LIMS2: variants seen among roughly 807,000 people sequenced by gnomAD.
The protein encoded by LIMS2 is LIM and senescent cell antigen-like-containing domain protein 2.
Under a neutral mutation model 45.3 loss-of-function variants are expected in LIMS2, and 30 were observed. The ratio of observed to expected loss-of-function variants is 0.66; its 90% CI spans 0.50 to 0.90. The LOEUF (loss-of-function observed/expected upper bound fraction) is 0.90. Ranked by LOEUF, LIMS2 falls within the 40% of genes least tolerant of loss-of-function variation. The probability of loss-of-function intolerance (pLI) is 0.00; values close to 1 mark genes in which losing one functional copy is unlikely to be tolerated. For missense variants in LIMS2, 485 were observed against 468.7 expected (o/e 1.03, Z -0.32); for synonymous variants, 173 against 188.0 (o/e 0.92, Z 0.65).
intron 6 of LIMS2, chr2:127,641,222 C>T (rs1682370602): frequency 4.0e-6 from 2 of 501,608 alleles, no homozygotes; most frequent in South Asian, 4.7e-5. Context: ...GCCCTGGGGT[C>T]AGCAGACCCT....
At chr2:127,674,518 C>G in intron 1 of LIMS2, 1 of 634,462 alleles carries the variant, frequency 1.6e-6, no homozygotes. Flanking sequence ...GGTGCTTGGG[C>G]GCAGCTCTGG....
rs1049794065 is a variant in LIMS2, at chr2:127,638,744, C to T, written c.*537G>A. 4.5e-5 allele frequency: 7 copies of T among 155,394 alleles called. No individual in the cohort carries two copies. The highest frequency in any genetic ancestry group is 1.7e-4 in the African/African-American group (7 of 41,490). 9.6% of individuals were successfully genotyped at this position (155,394 alleles called of 1,614,324 possible). On this transcript the variant is annotated 3_prime_UTR_variant, in exon 10 of 10. Coordinates refer to ENST00000355119, the MANE Select transcript of LIMS2 (RefSeq NM_001161403.3). ...GCAGGACTTGCTGGCTCAGTGTGGGCACAAGGACACTGTGCCACTGGTTGA... is the reference window on the plus strand; with the variant it reads ...GCAGGACTTGCTGGCTCAGTGTGGGTACAAGGACACTGTGCCACTGGTTGA...
Position 127,664,251 on chromosome 2 carries a change from C to G in LIMS2, c.12-6689G>C. The G allele has an allele frequency of 2.5e-6, 3 of 1,214,718 alleles. No homozygotes were observed. Among genetic ancestry groups the G allele is most frequent in the African/African-American group, 1.6e-5 (1 of 63,496 alleles). 75.2% of individuals were successfully genotyped at this position (1,214,718 alleles called of 1,614,324 possible). ...GTTTCCGAGGGAAGGCCTGCCCTGC[C>G]GCCGCAGCTTTCCGGCCATTGTCCC... On this transcript the variant is annotated intron_variant, in intron 1 of 9. Transcript: ENST00000355119. The surrounding 1 kb of genome is among the most constrained non-coding windows in gnomAD (Gnocchi z 5.5).
At chr2:127,663,839 C>T (rs1457569137) in intron 1 of LIMS2, among the ~76,000 whole-genome samples, 1 of 152,212 alleles carries the variant, frequency 6.6e-6, no homozygotes, top group Non-Finnish European at 1.5e-5. Context: ...CCCCGTGCCC[C>T]TCCCAACCTC....
Position 127,651,730 on chromosome 2 carries a change from C to T in LIMS2, c.359+2694G>A, listed in dbSNP as rs765320871. On this transcript the variant is annotated intron_variant, in intron 4 of 9. Transcript: ENST00000355119. ...TTCGAAGGGAAAACCAACGAGAGCT[C>T]GCTGAGTGCCAAGTCAGAGCTGTGA... 11 of 1,612,686 alleles carry T rather than the reference C, an allele frequency of 6.8e-6. No individual in the cohort carries two copies. In the East Asian group the frequency reaches 8.9e-5, roughly 13 times the overall value.
chr2:127,661,629 A>C (rs1203622604), intron 1 of LIMS2, among the ~76,000 whole-genome samples: 1 of 152,198 alleles, frequency 6.6e-6, no homozygotes, highest in Non-Finnish European at 1.5e-5. Context: ...CCCAGCCTGG[A>C]AGCCAAACCC....
intron 1 of LIMS2, among the ~76,000 whole-genome samples, chr2:127,662,036 T>G (rs965664788): frequency 2.0e-5 from 3 of 152,158 alleles, no homozygotes; most frequent in Non-Finnish European, 4.4e-5. Context: ...ACAAGAAGTC[T>G]GGTCACACCC....
At chr2:127,648,212 G>A in intron 4 of LIMS2, 2 of 985,224 alleles carry the variant, frequency 2.0e-6, no homozygotes, top group Non-Finnish European at 2.4e-6. Context: ...GTTCCTGGAA[G>A]CAGCAGGAAA....
Position 127,675,108 on chromosome 2 carries a change from C to T in LIMS2, c.-84G>A, listed in dbSNP as rs543111338. On this transcript the variant is annotated 5_prime_UTR_variant, in exon 1 of 10. Coordinates refer to ENST00000355119, the MANE Select transcript of LIMS2 (RefSeq NM_001161403.3). ...TGCAGCCGCCAGCCGAGCGCCCGCC[C>T]GCCAGCCCGGGCCGCGGAGCAGGGA... The T allele has an allele frequency of 8.3e-7, 1 of 1,199,892 alleles. No individual in the cohort carries two copies. Among genetic ancestry groups the T allele is most frequent in the Non-Finnish European group, 1.0e-6 (1 of 959,522 alleles). The allele number at this position is 1,199,892 out of a possible 1,614,324, so 74.3% of individuals were successfully genotyped here.
In LIMS2 at chr2:127,667,074, T is replaced by C. The variant is rs760998219; in HGVS notation, c.11+7940A>G. Among the ~76,000 whole-genome samples the C allele has an allele frequency of 2.6e-5, 4 of 152,196 alleles. No homozygotes were observed. Among genetic ancestry groups the C allele is most frequent in the Non-Finnish European group, 5.9e-5 (4 of 68,028 alleles). On this transcript the variant is annotated intron_variant, in intron 1 of 9. Transcript: ENST00000355119. This position sits in a 1 kb window ranked among gnomAD's most constrained non-coding sequence, Gnocchi z 4.1. ...GTCACAAAGTAAAGCCAGAGCGACA[T>C]GGCTTCACTGATGAATTATATCAAA...
chr2:127,680,126 G>A (rs1479296538), upstream of LIMS2, among the ~76,000 whole-genome samples: 1 of 152,232 alleles, frequency 6.6e-6, no homozygotes, highest in African/African-American at 2.4e-5. Context: ...AGTTAACTTG[G>A]GAAGTGGCTG....
intron 1 of LIMS2, among the ~76,000 whole-genome samples, chr2:127,662,087 G>A (rs1254725797): frequency 5.9e-5 from 9 of 152,206 alleles, no homozygotes; most frequent in African/African-American, 2.2e-4. Context: ...GGCCTGAGCA[G>A]CAGTCAGACC....
intron 1 of LIMS2, chr2:127,673,672 A>AC (rs1429593206): frequency 1.3e-6 from 2 of 1,551,062 alleles, no homozygotes; most frequent in African/African-American, 2.7e-5. Flanking sequence ...ACCGCCTCTC[A>AC]CCCACCTCCA....
chr2:127,672,543 C>T lies in LIMS2; in HGVS notation c.11+2471G>A, dbSNP rs1250256395. Among the ~76,000 whole-genome samples the T allele has an allele frequency of 1.3e-5, 2 of 152,192 alleles. No individual in the cohort carries two copies. The highest frequency in any genetic ancestry group is 4.8e-5 in the African/African-American group (2 of 41,454). On this transcript the variant is annotated intron_variant, in intron 1 of 9. Transcript: ENST00000355119. The surrounding 1 kb of genome is among the most constrained non-coding windows in gnomAD (Gnocchi z 4.9). ...GGAGGGGCATCCTCCCGAGCCCCACCCTCTGTGGCCCACCTCACAGCCAGT... is the reference window on the plus strand; with the variant it reads ...GGAGGGGCATCCTCCCGAGCCCCACTCTCTGTGGCCCACCTCACAGCCAGT...
At chr2:127,648,966 GGGGGAGGGGAGGGAGGGGAGGGGAGGGA>G (rs1443282316) in intron 4 of LIMS2, among the ~76,000 whole-genome samples, 1 of 19,188 alleles carries the variant, frequency 5.2e-5, no homozygotes, top group Admixed American at 4.1e-4. Flanking sequence ...GGAGGGGAGG[GGGGGAGGGGAGGGAGGGGAGGGGAGGGA>G]GGGGAGGGGA....
rs766965539 is a variant in LIMS2, at chr2:127,640,990, T to C, written c.661-2A>G. ...CTCACACTTGGCACAGACAAAGTGC[T>C]GCAAGGACAAAGGGCGGGCCGGGTG... On this transcript the variant is annotated splice_acceptor_variant, in intron 6 of 9. Coordinates refer to ENST00000355119, the MANE Select transcript of LIMS2 (RefSeq NM_001161403.3). LOFTEE classifies it high-confidence loss of function. 8.7e-6 allele frequency: 14 copies of C among 1,613,400 alleles called. No individual in the cohort carries two copies. In the African/African-American group the frequency reaches 1.9e-4, roughly 22 times the overall value.
At chr2:127,673,623 G>C in intron 1 of LIMS2, 1 of 1,524,430 alleles carries the variant, frequency 6.6e-7, no homozygotes, top group South Asian at 1.2e-5. Context: ...CACCCTTCAC[G>C]GCTCTGTTCT....
intron 2 of LIMS2, among the ~76,000 whole-genome samples, chr2:127,656,599 C>G (rs947878833): frequency 1.3e-5 from 2 of 151,924 alleles, no homozygotes; most frequent in African/African-American, 2.4e-5. Flanking sequence ...ATTTTTAGTA[C>G]AGACAGGGTT....
At chr2:127,655,888 C>A (rs1027800718) in intron 2 of LIMS2, 1 of 152,364 alleles carries the variant, frequency 6.6e-6, no homozygotes, top group Non-Finnish European at 1.5e-5. Flanking sequence ...ACCACAAGCA[C>A]AAGTGATGTT....
Sources: gnomAD v4.1 joint callset for allele counts (sites outside exome capture counted in the v4.1 genomes callset) on GRCh38, gnomAD v4.1.1 for gene constraint, Gnocchi (gnomAD v3.1) non-coding constraint, MANE v1.5 for transcripts, NCBI Gene and HGNC (gene_info 2026-07-23, HGNC 2026-07-21) for gene names.